CFAP70: variants seen among roughly 807,000 people sequenced by gnomAD.
CFAP70 encodes the protein cilia- and flagella-associated protein 70.
Under a neutral mutation model 137.6 loss-of-function variants are expected in CFAP70, and 81 were observed. The ratio of observed to expected loss-of-function variants is 0.59; its 90% CI spans 0.49 to 0.71. The LOEUF is 0.71. CFAP70 is among the 30% of genes least tolerant of loss of function. The probability of loss-of-function intolerance (pLI) is 0.00; values close to 1 mark genes in which losing one functional copy is unlikely to be tolerated. For missense variants in CFAP70, 976 were observed against 1,226.7 expected (o/e 0.80, Z 3.05); for synonymous variants, 382 against 423.6 (o/e 0.90, Z 1.20).
intron 16 of CFAP70, 93 bp downstream of exon 17, chr10:73,293,170 A>G: frequency 7.2e-7 from 1 of 1,391,542 alleles, no homozygotes; most frequent in Non-Finnish European, 9.6e-7. Context: ...CTACCCTTTC[A>G]CCAATCAAGT....
At chr10:73,355,358 C>T (rs554478150) in intron 1 of CFAP70, among the ~76,000 whole-genome samples, 399 of 152,340 alleles carry the variant, frequency 2.6e-3, no homozygotes, top group African/African-American at 8.5e-3. Context: ...CTAGGTTGTG[C>T]ACTCCTTATA....
At chr10:73,289,116 G>C (rs1334869233) in intron 19 of CFAP70, among the ~76,000 whole-genome samples, 1 of 151,846 alleles carries the variant, frequency 6.6e-6, no homozygotes, top group Non-Finnish European at 1.5e-5. Context: ...CTTGACTCAG[G>C]CTCTATTTTA....
intron 1 of CFAP70, among the ~76,000 whole-genome samples, chr10:73,356,910 T>C (rs2054725077): frequency 6.6e-6 from 1 of 152,192 alleles, no homozygotes; most frequent in South Asian, 2.1e-4. Context: ...TTGAAAAAAC[T>C]TGTTAAGCTT....
intron 19 of CFAP70, among the ~76,000 whole-genome samples, chr10:73,286,654 T>A (rs1233163273): frequency 6.6e-6 from 1 of 152,024 alleles, no homozygotes; most frequent in Non-Finnish European, 1.5e-5. Flanking sequence ...GCCAGCTCGG[T>A]CATGGAGACC....
chr10:73,285,700 T>C (rs2047641935), intron 19 of CFAP70, among the ~76,000 whole-genome samples: 1 of 150,390 alleles, frequency 6.6e-6, no homozygotes, highest in South Asian at 2.1e-4. Flanking sequence ...AGTGGCACCG[T>C]GTCGGCTCAC....
At chr10:73,269,104 T>C (rs545376151) in intron 25 of CFAP70, among the ~76,000 whole-genome samples, 28 of 152,238 alleles carry the variant, frequency 1.8e-4, no homozygotes, top group Non-Finnish European at 3.7e-4. Flanking sequence ...TTTGGTGTCA[T>C]ACTGTCCAGT....
chr10:73,342,008 T>C (rs1337273028), intron 5 of CFAP70, among the ~76,000 whole-genome samples: 1 of 152,236 alleles, frequency 6.6e-6, no homozygotes, highest in Non-Finnish European at 1.5e-5. Context: ...TTTATATTTA[T>C]ATGAGAGTTG....
chr10:73,293,126 G>A lies in CFAP70; in HGVS notation c.1770+137C>T, dbSNP rs75006172. The A allele has an allele frequency of 0.014, 11,474 of 810,088 alleles. 652 individuals are homozygous for A. The African/African-American group carries it at 0.15, about 10-fold the overall frequency. The allele number at this position is 810,088 out of a possible 1,614,324, so 50.2% of individuals were successfully genotyped here. ...CAAAAATTGAATGACCTTATTGGTGGGAACCTATTTTTGGACTTTATTGTT... is the reference window on the plus strand; with the variant it reads ...CAAAAATTGAATGACCTTATTGGTGAGAACCTATTTTTGGACTTTATTGTT... On this transcript the variant is annotated intron_variant, in intron 16 of 26. Coordinates refer to ENST00000310715, the Ensembl canonical transcript of CFAP70.
chr10:73,277,305 C>A, exon 21 of CFAP70: 1 of 1,614,084 alleles, frequency 6.2e-7, no homozygotes. Context: ...GTTTGAGAAA[C>A]ACCATAATGA....
intron 3 of CFAP70, among the ~76,000 whole-genome samples, chr10:73,350,843 C>T (rs965040658): frequency 6.6e-6 from 1 of 151,678 alleles, no homozygotes; most frequent in Non-Finnish European, 1.5e-5. Flanking sequence ...TCACTGCAAC[C>T]CCTGCCTCGA....
intron 2 of CFAP70, among the ~76,000 whole-genome samples, 171 bp from the exon 3 acceptor site, chr10:73,353,913 A>G (rs150324595): frequency 2.6e-4 from 39 of 152,264 alleles, no homozygotes; most frequent in African/African-American, 7.0e-4. Context: ...ATCTAGTTTT[A>G]CTTAAATGCA....
chr10:73,304,356 T>C (rs1421885280), intron 12 of CFAP70, among the ~76,000 whole-genome samples: 1 of 152,168 alleles, frequency 6.6e-6, no homozygotes, highest in Admixed American at 6.5e-5. Flanking sequence ...ACCCGGCCCA[T>C]TTATGGTAAA....
intron 1 of CFAP70, among the ~76,000 whole-genome samples, chr10:73,355,145 A>G (rs1271662051): frequency 6.6e-6 from 1 of 152,278 alleles, no homozygotes; most frequent in Admixed American, 6.5e-5. Flanking sequence ...CGAACCATGA[A>G]CCAGTACCAG....
At position 73,316,512 on chromosome 10, in the gene CFAP70, A is replaced by ATC. The variant is rs1439610588; in HGVS notation, c.913-3870_913-3869insGA. Among the ~76,000 whole-genome samples the ATC allele has an allele frequency of 2.1e-5, 3 of 143,884 alleles. No individual in the cohort carries two copies. In the South Asian group the frequency reaches 6.5e-4, roughly 31 times the overall value. The allele number at this position is 143,884 out of a possible 152,430, so 94.4% of individuals were successfully genotyped here. A position where few individuals can be genotyped will look rare whatever the true frequency, so the allele number is the denominator to read the frequency against. On this transcript the variant is annotated intron_variant, in intron 9 of 26. Coordinates refer to ENST00000310715, the Ensembl canonical transcript of CFAP70. ...GATATATATATATATATATATATATATGACGTACACATAAATATATATGTA... is the reference window on the plus strand; with the variant it reads ...GATATATATATATATATATATATATATCTGACGTACACATAAATATATATGTA...
At chr10:73,281,674 C>T (rs1442990593) in intron 19 of CFAP70, among the ~76,000 whole-genome samples, 1 of 151,866 alleles carries the variant, frequency 6.6e-6, no homozygotes, top group Non-Finnish European at 1.5e-5. Context: ...CAAAATAAAA[C>T]AAATCTTTCT....
At chr10:73,301,463 C>T (rs2048951017) in intron 12 of CFAP70, among the ~76,000 whole-genome samples, 1 of 152,088 alleles carries the variant, frequency 6.6e-6, no homozygotes, top group African/African-American at 2.4e-5. Context: ...TTGATATATG[C>T]CACAATATGA....
chr10:73,273,862 T>C (rs1350806176), intron 23 of CFAP70, among the ~76,000 whole-genome samples: 2 of 152,194 alleles, frequency 1.3e-5, no homozygotes, highest in South Asian at 2.1e-4. Flanking sequence ...ATGTTGATAA[T>C]TGTTATAGTG....
At chr10:73,329,279 G>C (rs1408044852) in intron 8 of CFAP70, among the ~76,000 whole-genome samples, 2 of 151,910 alleles carry the variant, frequency 1.3e-5, no homozygotes, top group Non-Finnish European at 2.9e-5. Flanking sequence ...TCATAGGTGG[G>C]AACTGAACAA....
intron 9 of CFAP70, among the ~76,000 whole-genome samples, chr10:73,317,307 C>T (rs566590840): frequency 5.3e-5 from 8 of 152,252 alleles, no homozygotes; most frequent in Non-Finnish European, 7.4e-5. Context: ...CATGAGCCAC[C>T]GCACCCAGCC....
Sources: gnomAD v4.1 joint callset for allele counts (sites outside exome capture counted in the v4.1 genomes callset) on GRCh38, gnomAD v4.1.1 for gene constraint, MANE v1.5 for transcripts, NCBI Gene and HGNC (gene_info 2026-07-23, HGNC 2026-07-21) for gene names.